ASPH: variants seen among roughly 807,000 people sequenced by gnomAD.
The protein encoded by ASPH is aspartyl/asparaginyl beta-hydroxylase.
ASPH carries 100 observed loss-of-function variants against 118.4 expected under a neutral mutation model. That is an observed-to-expected ratio of 0.84 (90% confidence interval 0.72 to 1.00). ASPH has a LOEUF of 1.00. ASPH is among the 50% of genes least tolerant of loss of function. The pLI is 0.00. For synonymous variants in ASPH, 315 were observed against 325.6 expected, an observed-to-expected ratio of 0.97 and a Z score of 0.35; for missense variants, 920 against 919.5, an observed-to-expected ratio of 1.00 and a Z score of -0.01.
intron 13 of ASPH, among the ~76,000 whole-genome samples, chr8:61,623,372 C>T (rs1000781016): frequency 3.3e-5 from 5 of 152,118 alleles, no homozygotes; most frequent in African/African-American, 1.2e-4. Flanking sequence ...AGATCTCTTG[C>T]CCATTTTAAA....
intron 5 of ASPH, 42 bp from the exon 6 acceptor site, chr8:61,646,920 G>C (rs201805083): frequency 6.2e-7 from 1 of 1,611,564 alleles, no homozygotes; most frequent in Non-Finnish European, 8.5e-7. Flanking sequence ...ATACAACTGA[G>C]ACATGAAAGC....
rs146250845 is a variant in ASPH, at chr8:61,505,176, T to A, written c.2127-1667A>T. 1.2e-3 allele frequency among the ~76,000 whole-genome samples: 190 copies of A among 152,208 alleles called. 1 individual carries two copies. The highest frequency in any genetic ancestry group is 8.7e-3 in the East Asian group (45 of 5,176). ...GGGGTTCCCGCTTTTGCATCTTCCT[T>A]ATTTTCTCTTGCCGCCACCAGGTAA... is the stretch of plus-strand genomic sequence containing the variant. On this transcript the variant is annotated intron_variant, in intron 24 of 24. Transcript: ENST00000379454.
chr8:61,514,013 G>A (rs1364882949), intron 24 of ASPH, among the ~76,000 whole-genome samples: 1 of 152,124 alleles, frequency 6.6e-6, no homozygotes, highest in African/African-American at 2.4e-5. Context: ...TTTTTTTAAA[G>A]AGATGGGGTC....
chr8:61,694,820 T>C (rs1833539989), intron 1 of ASPH, among the ~76,000 whole-genome samples: 1 of 152,198 alleles, frequency 6.6e-6, no homozygotes, highest in Non-Finnish European at 1.5e-5. Context: ...TTGAATGACT[T>C]ACAAAAACCT....
intron 14 of ASPH, 134 bp downstream of exon 14, chr8:61,618,844 C>T: frequency 1.4e-6 from 1 of 695,360 alleles, no homozygotes; most frequent in Admixed American, 3.3e-5. Context: ...TTTGATAAAT[C>T]ATTGAAATAA....
At position 61,714,432 on chromosome 8, in the gene ASPH, A is replaced by T; in HGVS notation, c.-61T>A. The T allele has an allele frequency of 2.2e-6, 3 of 1,371,358 alleles. No homozygotes were observed. Among genetic ancestry groups the T allele is most frequent in the Non-Finnish European group, 2.8e-6 (3 of 1,060,506 alleles). 84.9% of individuals were successfully genotyped at this position (1,371,358 alleles called of 1,614,324 possible). A position where few individuals can be genotyped will look rare whatever the true frequency, so the allele number is the denominator to read the frequency against. ...CCTCCTTCAGTGCGCGGGGGTACAC[A>T]CGCGACGCGGGAACCGCTGGCGGCG... On this transcript the variant is annotated 5_prime_UTR_variant, in exon 1 of 25. Coordinates refer to ENST00000379454, the MANE Select transcript of ASPH (RefSeq NM_004318.4).
intron 15 of ASPH, among the ~76,000 whole-genome samples, chr8:61,580,315 T>C (rs1837084348): frequency 6.6e-6 from 1 of 152,190 alleles, no homozygotes; most frequent in African/African-American, 2.4e-5. Context: ...CCTTCTACGC[T>C]GCCCTAGCAG....
intron 3 of ASPH, chr8:61,665,583 G>C: frequency 6.3e-7 from 1 of 1,590,512 alleles, no homozygotes; most frequent in African/African-American, 1.4e-5. Context: ...TCCTTCTTGA[G>C]CTCTTCTTTA....
intron 6 of ASPH, 43 bp downstream of exon 6, chr8:61,646,707 T>A (rs778727230): frequency 1.9e-6 from 3 of 1,569,846 alleles, no homozygotes; most frequent in African/African-American, 1.4e-5. Flanking sequence ...TTAGAAGTCA[T>A]TGATTATATT....
At chr8:61,603,321 T>C (rs572046063) in intron 14 of ASPH, among the ~76,000 whole-genome samples, 2 of 152,224 alleles carry the variant, frequency 1.3e-5, no homozygotes, top group South Asian at 4.1e-4. Flanking sequence ...TTATAGAGTT[T>C]GTTAATTTGA....
intron 3 of ASPH, chr8:61,660,993 C>T (rs759137322): frequency 1.1e-4 from 16 of 152,300 alleles, no homozygotes; most frequent in Non-Finnish European, 1.9e-4. Flanking sequence ...GTACCATATA[C>T]TTAAGGCTAT....
intron 3 of ASPH, among the ~76,000 whole-genome samples, chr8:61,667,995 A>G (rs1350263961): frequency 6.6e-6 from 1 of 152,200 alleles, no homozygotes; most frequent in Non-Finnish European, 1.5e-5. Flanking sequence ...TCTTAATTTA[A>G]AGACTATTAC....
At chr8:61,545,228 A>G (rs1209802026) in intron 21 of ASPH, among the ~76,000 whole-genome samples, 5 of 152,240 alleles carry the variant, frequency 3.3e-5, no homozygotes, top group Admixed American at 6.5e-5. Context: ...CCTTATAAAA[A>G]AAGCCTCAGA....
chr8:61,523,954 T>C (rs961240489), intron 22 of ASPH, among the ~76,000 whole-genome samples: 6 of 152,170 alleles, frequency 3.9e-5, no homozygotes, highest in African/African-American at 1.4e-4. Flanking sequence ...TAGCCAGGTA[T>C]GTAGACGCAC....
intron 1 of ASPH, among the ~76,000 whole-genome samples, chr8:61,688,947 A>C (rs987240597): frequency 6.6e-6 from 1 of 152,198 alleles, no homozygotes; most frequent in African/African-American, 2.4e-5. Context: ...TCTCTATCCT[A>C]ATCAAAGAAT....
At chr8:61,508,384 T>G (rs1296622099) in intron 24 of ASPH, among the ~76,000 whole-genome samples, 2 of 152,132 alleles carry the variant, frequency 1.3e-5, no homozygotes, top group Non-Finnish European at 2.9e-5. Flanking sequence ...TATAAGAATA[T>G]CTCGTCCTAA....
rs144325115 is a variant in ASPH at position 61,653,620 on chromosome 8, T to C, written c.363A>G (p.Pro121=). The C allele has an allele frequency of 7.9e-5, 128 of 1,613,992 alleles. No individual in the cohort carries two copies. The Middle Eastern group carries it at 8.3e-4, about 11-fold the overall frequency. ...ERSTSEPAVP[P]EEAEPHTEPE... ...GCTCAGTGTGTGGCTCAGCCTCTTC[T>C]GGCGGGACTGCTGGCTCTGAAGTAG... The change falls in exon 4 of 25, where the codon CCA becomes CCG. Residue 121 remains proline (P), a synonymous_variant. Transcript: ENST00000379454.
chr8:61,570,448 C>T (rs992782916), intron 16 of ASPH, among the ~76,000 whole-genome samples: 2 of 152,068 alleles, frequency 1.3e-5, no homozygotes, highest in Admixed American at 6.6e-5. Flanking sequence ...CAAATGCCTA[C>T]CAAGATAATC....
At chr8:61,533,104 C>CT (rs71559337) in intron 21 of ASPH, among the ~76,000 whole-genome samples, 6,970 of 141,754 alleles carry the variant, frequency 0.049, 391 homozygotes, top group African/African-American at 0.14. Context: ...ATTTCTTCTT[C>CT]TTTTTTTTTT....
Sources: gnomAD v4.1 joint callset for allele counts (sites outside exome capture counted in the v4.1 genomes callset) on GRCh38, gnomAD v4.1.1 for gene constraint, MANE v1.5 for transcripts, NCBI Gene and HGNC (gene_info 2026-07-23, HGNC 2026-07-21) for gene names.